The following ERICH1 variants were observed in gnomAD, a reference collection of about 807,000 sequenced individuals.
ERICH1 encodes the protein glutamate rich 1.
Under a neutral mutation model 39.6 loss-of-function variants are expected in ERICH1, and 56 were observed. The ratio of observed to expected loss-of-function variants is 1.41; its 90% CI spans 1.14 to 1.77. ERICH1 has a LOEUF of 1.77. Ranked by LOEUF, ERICH1 falls within the 40% of genes most tolerant of loss-of-function variation. The pLI is 0.00. For synonymous variants in ERICH1, 313 were observed against 223.6 expected (o/e 1.40, Z -3.57); for missense variants, 826 against 575.4 (o/e 1.44, Z -4.45).
rs776180035 is a variant in ERICH1 at position 668,793 on chromosome 8, C to T, written c.1064-1G>A. ...GCTGAAGCTGCATCTCTGGAGACACCTACATAAAGTCAGTTTTGCTTGGAA... is the reference window on the plus strand; with the variant it reads ...GCTGAAGCTGCATCTCTGGAGACACTTACATAAAGTCAGTTTTGCTTGGAA... On this transcript the variant is annotated splice_acceptor_variant, in intron 4 of 5. Transcript: ENST00000262109. LOFTEE classifies it high-confidence loss of function. The T allele has an allele frequency of 1.3e-6, 2 of 1,586,834 alleles. No homozygotes were observed. Among genetic ancestry groups the T allele is most frequent in the South Asian group, 1.1e-5 (1 of 87,236 alleles).
intron 2 of ERICH1, among the ~76,000 whole-genome samples, chr8:712,238 G>A (rs987859055): frequency 6.6e-6 from 1 of 152,174 alleles, no homozygotes; most frequent in African/African-American, 2.4e-5. Flanking sequence ...AAGTTAGGAA[G>A]AATGAGTATC....
At chr8:697,017 C>T (rs1810469355) in intron 2 of ERICH1, among the ~76,000 whole-genome samples, 1 of 152,224 alleles carries the variant, frequency 6.6e-6, no homozygotes, top group South Asian at 2.1e-4. Flanking sequence ...CCTTTTGGAG[C>T]CCTCGGTGGG....
At chr8:686,446 G>C (rs1211333004) in intron 3 of ERICH1, among the ~76,000 whole-genome samples, 2 of 150,832 alleles carry the variant, frequency 1.3e-5, no homozygotes, top group Middle Eastern at 3.4e-3. Context: ...TCCTAGGCAA[G>C]CTAAAAAAAA....
intron 1 of ERICH1, among the ~76,000 whole-genome samples, chr8:722,243 C>G (rs747153763): frequency 8.6e-5 from 13 of 151,114 alleles, no homozygotes; most frequent in Non-Finnish European, 1.6e-4. Context: ...AAAAAACCTG[C>G]AGGAAAACAA....
rs753834047 is a variant in ERICH1, at chr8:673,545, G to A, written c.807C>T (p.Ala269=). ...TPAGEEDVKD[A]REEDGVDTIE... Reference sequence around the variant, plus strand: ...TGGTGTCCACACCGTCCTCCTCCCTGGCGTCTTTAACGTCTTCCTCCCCGG... The same window carrying A: ...TGGTGTCCACACCGTCCTCCTCCCTAGCGTCTTTAACGTCTTCCTCCCCGG... The change falls in exon 4 of 6, where the codon GCC becomes GCT. Residue 269 remains alanine (A), a synonymous_variant. Coordinates refer to ENST00000262109, the MANE Select transcript of ERICH1 (RefSeq NM_207332.3). The A allele has an allele frequency of 1.1e-5, 17 of 1,609,314 alleles. No homozygotes were observed. Among genetic ancestry groups the A allele is most frequent in the Non-Finnish European group, 1.3e-5 (15 of 1,177,844 alleles).
At chr8:724,371 T>C (rs1410211054) in intron 1 of ERICH1, among the ~76,000 whole-genome samples, 1 of 152,178 alleles carries the variant, frequency 6.6e-6, no homozygotes, top group Non-Finnish European at 1.5e-5. Flanking sequence ...AGTTTCTCCT[T>C]GTAGTTTTTT....
intron 3 of ERICH1, chr8:615,398 C>G: frequency 1.8e-6 from 1 of 562,482 alleles, no homozygotes; most frequent in Non-Finnish European, 3.1e-6. Context: ...ATTAGTCTTC[C>G]TAAGCCCTGC....
rs34859865 is a variant in ERICH1 at position 714,053 on chromosome 8, C to G, written c.169+1808G>C. 7.1e-3 allele frequency among the ~76,000 whole-genome samples: 357 copies of G among 50,216 alleles called. 20 individuals carry two copies. The highest frequency in any genetic ancestry group is 0.031 in the African/African-American group (269 of 8,738). The allele number at this position is 50,216 out of a possible 152,430, so 32.9% of individuals were successfully genotyped here. A position where few individuals can be genotyped will look rare whatever the true frequency, so the allele number is the denominator to read the frequency against. ...GTGCTGCACCCAGGCGGCCTCTTCCCGCATCTCTCGGTGGGATGTGCTGCA... is the reference window on the plus strand; with the variant it reads ...GTGCTGCACCCAGGCGGCCTCTTCCGGCATCTCTCGGTGGGATGTGCTGCA... On this transcript the variant is annotated intron_variant, in intron 2 of 5. Transcript: ENST00000262109.
chr8:641,419 GT>G (rs1798962393), intron 3 of ERICH1, among the ~76,000 whole-genome samples: 7 of 152,150 alleles, frequency 4.6e-5, no homozygotes, highest in Admixed American at 3.9e-4. Flanking sequence ...AAATCCCCAA[GT>G]CCCCTTAAGT....
intron 2 of ERICH1, among the ~76,000 whole-genome samples, chr8:707,018 G>A (rs1384399094): frequency 6.6e-6 from 1 of 151,934 alleles, no homozygotes; most frequent in East Asian, 1.9e-4. Flanking sequence ...GGAATTGCAA[G>A]AGACCCTGAG....
intron 3 of ERICH1, among the ~76,000 whole-genome samples, chr8:639,811 G>A (rs958686050): frequency 1.6e-5 from 2 of 124,672 alleles, no homozygotes; most frequent in Non-Finnish European, 3.4e-5. Flanking sequence ...GGATTCACAG[G>A]CAGCCACGAA....
At chr8:690,495 G>A (rs62484175) in intron 3 of ERICH1, among the ~76,000 whole-genome samples, 5,339 of 152,350 alleles carry the variant, frequency 0.035, 151 homozygotes, top group African/African-American at 0.073. Context: ...AACCGGGACC[G>A]GCAGACCCAA....
intron 2 of ERICH1, among the ~76,000 whole-genome samples, chr8:698,515 G>A (rs1040268525): frequency 1.1e-4 from 17 of 152,000 alleles, no homozygotes; most frequent in Admixed American, 5.9e-4. Context: ...CACCGTGCCC[G>A]GCCCTGAATT....
At position 673,574 on chromosome 8, in the gene ERICH1, G is replaced by A. The variant is rs770806456; in HGVS notation, c.778C>T (p.Pro260Ser). 7.8e-6 allele frequency: 12 copies of A among 1,547,446 alleles called. No homozygotes were observed. Among genetic ancestry groups the A allele is most frequent in the Non-Finnish European group, 7.1e-6 (8 of 1,131,016 alleles). The change falls in exon 4 of 6, where the codon CCG becomes TCG. Residue 260 changes from proline (P) to serine (S), a missense_variant. Coordinates refer to ENST00000262109, the MANE Select transcript of ERICH1 (RefSeq NM_207332.3). The stretch of plus-strand genomic sequence containing the variant: ...TCTTTAACGTCTTCCTCCCCGGCCG[G>A]TGTCGGATCTTCCTCACTGGCGTCC... ...GADASEEDPT[P>S]AGEEDVKDAR...
chr8:677,432 G>T (rs1038625458), intron 3 of ERICH1, among the ~76,000 whole-genome samples: 1 of 152,178 alleles, frequency 6.6e-6, no homozygotes, highest in African/African-American at 2.4e-5. Context: ...AAGCAGCTCC[G>T]CACACAGTCC....
At chr8:620,087 G>C (rs978995872) in intron 3 of ERICH1, among the ~76,000 whole-genome samples, 2 of 152,210 alleles carry the variant, frequency 1.3e-5, no homozygotes, top group East Asian at 3.9e-4. Context: ...GCCAAGGTGG[G>C]TGGATCACGA....
chr8:653,814 G>A (rs1453606824), intron 3 of ERICH1, among the ~76,000 whole-genome samples: 1 of 151,580 alleles, frequency 6.6e-6, no homozygotes, highest in Non-Finnish European at 1.5e-5. Flanking sequence ...GGTCTCCGGA[G>A]GGGTTGGAGC....
intron 3 of ERICH1, chr8:640,677 A>G (rs1481174942): frequency 1.3e-5 from 2 of 152,224 alleles, no homozygotes; most frequent in East Asian, 1.9e-4. Context: ...CATGTGCACG[A>G]CAATGTACGG....
Position 648,010 on chromosome 8 carries a change from A to G in ERICH1, c.976+20588T>C, listed in dbSNP as rs1442442362. On this transcript the variant is annotated intron_variant, in intron 3 of 3. Transcript: ENST00000522706. Reference sequence around the variant, plus strand: ...AGGACAACTCGTTTCTGCCACAGCAATGGAAACGTACAGTGTGGCTGACGC... The same window carrying G: ...AGGACAACTCGTTTCTGCCACAGCAGTGGAAACGTACAGTGTGGCTGACGC... Among the ~76,000 whole-genome samples, 2 of 68,200 alleles carry G rather than the reference A, an allele frequency of 2.9e-5. 1 individual carries two copies. The highest frequency in any genetic ancestry group is 9.0e-5 in the Non-Finnish European group (2 of 22,114). The allele number at this position is 68,200 out of a possible 152,430, so 44.7% of individuals were successfully genotyped here. A position where few individuals can be genotyped will look rare whatever the true frequency, so the allele number is the denominator to read the frequency against.
Sources: gnomAD v4.1 joint callset for allele counts (sites outside exome capture counted in the v4.1 genomes callset) on GRCh38, gnomAD v4.1.1 for gene constraint, MANE v1.5 for transcripts, NCBI Gene and HGNC (gene_info 2026-07-23, HGNC 2026-07-21) for gene names.